PDLIM1: variants seen among roughly 807,000 people sequenced by gnomAD.
PDLIM1 encodes the protein PDZ and LIM domain protein 1.
Under a neutral mutation model 35.2 loss-of-function variants are expected in PDLIM1, and 25 were observed. The observed-to-expected ratio is 0.71, with a 90% CI of 0.52 to 0.99. The LOEUF is 0.99. PDLIM1 is among the 50% of genes least tolerant of loss of function. The probability of loss-of-function intolerance (pLI) is 0.00; values close to 1 mark genes in which losing one functional copy is unlikely to be tolerated. For synonymous variants in PDLIM1, 152 were observed against 154.0 expected (o/e 0.99, Z 0.10); for missense variants, 363 against 415.3 (o/e 0.87, Z 1.09).
At chr10:95,257,918 C>T (rs1484985382) in intron 4 of PDLIM1, among the ~76,000 whole-genome samples, 2 of 152,158 alleles carry the variant, frequency 1.3e-5, no homozygotes, top group Non-Finnish European at 2.9e-5. Context: ...CATGTGTATT[C>T]GTGTGTTTTC....
chr10:95,242,660 C>T (rs889710116), intron 5 of PDLIM1, among the ~76,000 whole-genome samples: 2 of 150,470 alleles, frequency 1.3e-5, no homozygotes, highest in Admixed American at 1.3e-4. Context: ...GCACTCCAAA[C>T]CTAGGCGACA....
At chr10:95,257,201 C>T (rs1199533583) in intron 4 of PDLIM1, among the ~76,000 whole-genome samples, 6 of 151,744 alleles carry the variant, frequency 4.0e-5, no homozygotes, top group African/African-American at 1.4e-4. Context: ...CGAGACCAGC[C>T]TGAGACCCTG....
In PDLIM1 at chr10:95,251,359, G is replaced by A. The variant is rs568156731; in HGVS notation, c.534-3993C>T. Among the ~76,000 whole-genome samples the A allele has an allele frequency of 1.0e-3, 152 of 152,164 alleles. 4 individuals carry two copies. The South Asian group carries it at 0.031, about 31-fold the overall frequency. On this transcript the variant is annotated intron_variant, in intron 4 of 6. Coordinates refer to ENST00000329399, the MANE Select transcript of PDLIM1 (RefSeq NM_020992.4). ...AGGCCGAAGCAGGTGAATTGCCTGA[G>A]CTCAGGAGTTCGAGACCAGCCTAGG...
intron 4 of PDLIM1, among the ~76,000 whole-genome samples, chr10:95,251,176 T>C (rs1554831776): frequency 6.6e-6 from 1 of 151,154 alleles, no homozygotes; most frequent in Non-Finnish European, 1.5e-5. Context: ...ACAGCAACCC[T>C]GGGATGAAAG....
In PDLIM1 at chr10:95,238,063, A is replaced by G. The variant is rs1049814; in HGVS notation, c.852T>C (p.Tyr284=). 0.2 allele frequency: 321,757 copies of G among 1,613,572 alleles called. 33,050 individuals are homozygous for G. Among genetic ancestry groups the G allele is most frequent in the Admixed American group, 0.28 (16,617 of 59,930 alleles). ...GGTTGGTGCCACAGTCAGTGCACACATAACACTCAGGGTGGCGGTGACGGT... is the reference window on the plus strand; with the variant it reads ...GGTTGGTGCCACAGTCAGTGCACACGTAACACTCAGGGTGGCGGTGACGGT... ...LRDRHRHPEC[Y]VCTDCGTNLK... The change falls in exon 7 of 7, where the codon TAT becomes TAC. Residue 284 remains tyrosine (Y), a synonymous_variant. Coordinates refer to ENST00000329399, the MANE Select transcript of PDLIM1 (RefSeq NM_020992.4).
At position 95,290,884 on chromosome 10, in the gene PDLIM1, G is replaced by A. The variant is rs1341598355; in HGVS notation, c.32C>T (p.Pro11Leu). The change falls in exon 1 of 7, where the codon CCG (proline) becomes CTG (leucine). Residue 11 changes from proline (P) to leucine (L), a missense_variant. Physicochemically the swap from Pro to Leu is moderately conservative, Grantham distance 98. Coordinates refer to ENST00000329399, the MANE Select transcript of PDLIM1 (RefSeq NM_020992.4). This position sits in a 1 kb window ranked among gnomAD's most constrained non-coding sequence, Gnocchi z 4.7. ...CACGAGGCGGAAGCCCCACGGCCCC[G>A]GGCCCTGGAGGTCTATCTGCTGGGT... MTTQQIDLQG[P>L]GPWGFRLVGG... The A allele has an allele frequency of 2.4e-5, 37 of 1,563,112 alleles. No homozygotes were observed. The highest frequency in any genetic ancestry group is 3.1e-5 in the Non-Finnish European group (36 of 1,154,490).
intron 3 of PDLIM1, among the ~76,000 whole-genome samples, chr10:95,267,042 C>T (rs1215267431): frequency 1.3e-5 from 2 of 152,168 alleles, no homozygotes; most frequent in Non-Finnish European, 2.9e-5. Flanking sequence ...TTATCCTCTA[C>T]TTTAGAATGG....
At chr10:95,262,001 T>A in intron 4 of PDLIM1, among the ~76,000 whole-genome samples, 1 of 135,584 alleles carries the variant, frequency 7.4e-6, no homozygotes, top group Non-Finnish European at 1.6e-5. Flanking sequence ...AGAGTGAAAC[T>A]CCGTCTCAAA....
intron 1 of PDLIM1, among the ~76,000 whole-genome samples, chr10:95,281,809 T>A (rs1277169449): frequency 6.6e-6 from 1 of 152,170 alleles, no homozygotes; most frequent in Admixed American, 6.5e-5. Flanking sequence ...GTATAATAAC[T>A]CCAAACAAGA....
At chr10:95,265,169 T>C (rs914269744) in intron 3 of PDLIM1, among the ~76,000 whole-genome samples, 4 of 152,080 alleles carry the variant, frequency 2.6e-5, no homozygotes, top group Non-Finnish European at 5.9e-5. Flanking sequence ...CTTCCTTTTT[T>C]CTCTCCTTTT....
intron 4 of PDLIM1, among the ~76,000 whole-genome samples, chr10:95,252,530 A>C (rs2035276101): frequency 6.6e-6 from 1 of 152,240 alleles, no homozygotes; most frequent in East Asian, 1.9e-4. Context: ...CAGAAGAACC[A>C]GGAAGATCTC....
At chr10:95,248,984 G>GCT (rs2035245551) in intron 4 of PDLIM1, among the ~76,000 whole-genome samples, 1 of 152,146 alleles carries the variant, frequency 6.6e-6, no homozygotes, top group Non-Finnish European at 1.5e-5. Flanking sequence ...CTCCCTACCT[G>GCT]CTCTCTCACC....
intron 4 of PDLIM1, among the ~76,000 whole-genome samples, chr10:95,259,147 T>C (rs1306532661): frequency 6.6e-6 from 1 of 152,180 alleles, no homozygotes; most frequent in Non-Finnish European, 1.5e-5. Flanking sequence ...AATATCCTAA[T>C]TTTGTTACTA....
rs1186997122 is a variant in PDLIM1 at position 95,262,219 on chromosome 10, A to G, written c.533+1645T>C. On this transcript the variant is annotated intron_variant, in intron 4 of 6. Transcript: ENST00000329399. ...ATTTAAGTAGTTTGGAACCTCTAGTATCTTAACCTCTCTCAACCTGCATTT... is the reference window on the plus strand; with the variant it reads ...ATTTAAGTAGTTTGGAACCTCTAGTGTCTTAACCTCTCTCAACCTGCATTT... Among the ~76,000 whole-genome samples, 7 of 152,096 alleles carry G rather than the reference A, an allele frequency of 4.6e-5. No individual in the cohort carries two copies. In the East Asian group the frequency reaches 9.7e-4, roughly 21 times the overall value.
chr10:95,255,036 T>C (rs907843103), intron 4 of PDLIM1, among the ~76,000 whole-genome samples: 2 of 152,002 alleles, frequency 1.3e-5, no homozygotes, highest in Non-Finnish European at 2.9e-5. Context: ...TTAGAAAACC[T>C]AGAAGAAATA....
At chr10:95,284,538 G>A (rs1159399055) in intron 1 of PDLIM1, among the ~76,000 whole-genome samples, 1 of 152,072 alleles carries the variant, frequency 6.6e-6, no homozygotes, top group Non-Finnish European at 1.5e-5. Context: ...ATTTTTAGTA[G>A]AGACAGGGTT....
At chr10:95,241,240 A>G in intron 5 of PDLIM1, among the ~76,000 whole-genome samples, 1 of 152,188 alleles carries the variant, frequency 6.6e-6, no homozygotes. Flanking sequence ...CACAATGGAC[A>G]TTTATTAATT....
At position 95,290,191 on chromosome 10, in the gene PDLIM1, G is replaced by A. The variant is rs1170532582; in HGVS notation, c.96+629C>T. Among the ~76,000 whole-genome samples the A allele has an allele frequency of 1.3e-5, 2 of 152,216 alleles. No individual in the cohort carries two copies. The highest frequency in any genetic ancestry group is 3.8e-4 in the East Asian group (2 of 5,196). ...ATAATCTGGGAATGCTAGGAAGAAT[G>A]ACGGCGGGGCCACGTTCTGCAGAGG... On this transcript the variant is annotated intron_variant, in intron 1 of 6. Coordinates refer to ENST00000329399, the MANE Select transcript of PDLIM1 (RefSeq NM_020992.4). The surrounding 1 kb of genome is among the most constrained non-coding windows in gnomAD (Gnocchi z 4.7).
chr10:95,266,134 T>C (rs2035414864), intron 3 of PDLIM1, among the ~76,000 whole-genome samples: 1 of 150,452 alleles, frequency 6.6e-6, no homozygotes, highest in African/African-American at 2.5e-5. Flanking sequence ...GAGGCAGAGG[T>C]TGCAGTGAGC....
Sources: allele counts gnomAD v4.1 joint callset (sites outside exome capture counted in the v4.1 genomes callset), GRCh38; gene constraint gnomAD v4.1.1; non-coding constraint Gnocchi (gnomAD v3.1); transcripts MANE v1.5; gene names NCBI Gene and HGNC (gene_info 2026-07-23, HGNC 2026-07-21).